Variants in PHAF1 observed in about 807,000 individuals in gnomAD.
PHAF1 encodes the protein phagosome assembly factor 1.
A neutral mutation model predicts 63.1 loss-of-function variants in PHAF1; 23 were observed. That is an observed-to-expected ratio of 0.36 (90% CI 0.26 to 0.52). PHAF1 has a LOEUF of 0.52. Among genes scored for constraint, PHAF1 ranks in the 20% least tolerant of loss-of-function variants. PHAF1 has a pLI of 0.93. For missense variants in PHAF1, 427 were observed against 517.2 expected (o/e 0.83, Z 1.69); for synonymous variants, 167 against 185.0 (o/e 0.90, Z 0.79).
intron 2 of PHAF1, among the ~76,000 whole-genome samples, chr16:67,120,407 T>C (rs540602489): frequency 2.0e-5 from 3 of 152,100 alleles, no homozygotes; most frequent in African/African-American, 4.8e-5. Context: ...GCGGTAGTAA[T>C]TGAACCTTTG....
chr16:67,137,751 C>T (rs1273374630), intron 8 of PHAF1, among the ~76,000 whole-genome samples: 1 of 152,172 alleles, frequency 6.6e-6, no homozygotes, highest in Non-Finnish European at 1.5e-5. Context: ...TCCCAGGAGA[C>T]AGCAGGAGGA....
At position 67,140,101 on chromosome 16, in the gene PHAF1, A is replaced by C; in HGVS notation, c.779A>C (p.Tyr260Ser). Residue 260 changes from tyrosine (Y) to serine (S), a missense_variant, in exon 9 of 16, where the codon TAT (tyrosine) becomes TCT (serine). By Grantham distance (144) the Tyr-to-Ser change is moderately radical. Coordinates refer to ENST00000219139, the MANE Select transcript of PHAF1 (RefSeq NM_025187.5). ...CTTGGCTCTCCACACAAAGTCTTCT[A>C]TAAATCAGAAGACAAGGTAGGGGAA... ...SMLGSPHKVF[Y>S]KSEDKMKIHS... The C allele has an allele frequency of 1.2e-6, 2 of 1,614,186 alleles. No homozygotes were observed. Among genetic ancestry groups the C allele is most frequent in the Non-Finnish European group, 1.7e-6 (2 of 1,180,022 alleles).
At chr16:67,132,759 G>T (rs1348560454) in intron 5 of PHAF1, 58 bp from the exon 6 acceptor site, 10 of 1,462,280 alleles carry the variant, frequency 6.8e-6, no homozygotes, top group Non-Finnish European at 8.6e-6. Flanking sequence ...GCTGGTTTAT[G>T]TTAGCCATTT....
Position 67,137,237 on chromosome 16 carries a change from G to GA in PHAF1, c.662-2745dup, listed in dbSNP as rs1213765329. ...AGACAGTTCACAACCTTCACGTTAC[G>GA]AATTTCTTAAAATGTGATTTTCTAG... On this transcript the variant is annotated intron_variant, in intron 8 of 15. Transcript: ENST00000219139. 2.0e-5 allele frequency among the ~76,000 whole-genome samples: 3 copies of GA among 151,964 alleles called. No homozygotes were observed. The East Asian group carries it at 5.8e-4, about 29-fold the overall frequency.
intron 4 of PHAF1, chr16:67,131,999 A>C (rs1305334353): frequency 6.5e-6 from 1 of 154,542 alleles, no homozygotes; most frequent in East Asian, 1.9e-4. Flanking sequence ...CCTTTCAGTA[A>C]GTCTCCTTAA....
Position 67,145,523 on chromosome 16 carries a change from A to T in PHAF1, c.1051-47A>T, listed in dbSNP as rs539490687. On this transcript the variant is annotated intron_variant, in intron 13 of 15. Transcript: ENST00000219139. ...TCTAGGCCAGCCATTGGTCACAGAC[A>T]TGTTCATGTCCCTACTAACCCCTGC... 3 of 1,613,128 alleles carry T rather than the reference A, an allele frequency of 1.9e-6. No individual in the cohort carries two copies. The Admixed American group carries it at 5.0e-5, about 27-fold the overall frequency.
At chr16:67,145,689 AG>A in intron 14 of PHAF1, 61 bp downstream of exon 14, 1 of 1,550,132 alleles carries the variant, frequency 6.5e-7, no homozygotes, top group Non-Finnish European at 8.7e-7. Context: ...CAGAAAGCCC[AG>A]GGAAGCCTGG....
intron 15 of PHAF1, 99 bp from the exon 16 acceptor site, chr16:67,146,946 A>T: frequency 9.1e-7 from 1 of 1,097,464 alleles, no homozygotes; most frequent in Non-Finnish European, 1.4e-6. Flanking sequence ...CCCAGCCATT[A>T]GGTGCAGGTA....
At chr16:67,143,660 T>C (rs1444006001) in intron 10 of PHAF1, among the ~76,000 whole-genome samples, 1 of 152,164 alleles carries the variant, frequency 6.6e-6, no homozygotes, top group African/African-American at 2.4e-5. Flanking sequence ...GAGTTCGGGA[T>C]ACAGCAGTGA....
intron 1 of PHAF1, among the ~76,000 whole-genome samples, chr16:67,112,399 A>G (rs1433967336): frequency 6.6e-6 from 1 of 151,118 alleles, no homozygotes; most frequent in East Asian, 1.9e-4. Context: ...AAAAAAAAAA[A>G]AAAAGCCAGG....
chr16:67,113,484 C>G (rs563133338), intron 1 of PHAF1, among the ~76,000 whole-genome samples: 21 of 144,386 alleles, frequency 1.5e-4, no homozygotes, highest in African/African-American at 5.1e-4. Context: ...GTGTCTCACT[C>G]TGTTGCCCAG....
chr16:67,118,894 C>T (rs1423337278), intron 1 of PHAF1, among the ~76,000 whole-genome samples: 2 of 150,932 alleles, frequency 1.3e-5, no homozygotes, highest in Non-Finnish European at 2.9e-5. Context: ...CTCACCTTAG[C>T]CACCCCAGGA....
intron 1 of PHAF1, among the ~76,000 whole-genome samples, chr16:67,113,460 T>G (rs1962604794): frequency 6.6e-6 from 1 of 150,690 alleles, no homozygotes; most frequent in Non-Finnish European, 1.5e-5. Context: ...TCTTTTTTTT[T>G]TTTTTTTGAG....
chr16:67,134,287 T>C, intron 7 of PHAF1, 22 bp downstream of exon 7: 1 of 1,608,720 alleles, frequency 6.2e-7, no homozygotes, highest in East Asian at 2.2e-5. Context: ...GAGCATGAGT[T>C]TCTTGCTAAG....
chr16:67,146,350 G>A lies in PHAF1; in HGVS notation c.1182G>A (p.Glu394=). The A allele has an allele frequency of 6.2e-7, 1 of 1,613,718 alleles. No individual in the cohort carries two copies. Among genetic ancestry groups the A allele is most frequent in the Non-Finnish European group, 8.5e-7 (1 of 1,179,602 alleles). Residue 394 remains glutamate (E), a splice_region_variant and synonymous_variant, in exon 15 of 16, where the codon GAG becomes GAA. Coordinates refer to ENST00000219139, the MANE Select transcript of PHAF1 (RefSeq NM_025187.5). ...TTGGTCTTCAGCGAATGATCTTTGA[G>A]GTAAGCTGTGGAAGCCCTAGAAATA... ...FCFGLQRMIF[E]VMQNNHIASV...
chr16:67,110,209 C>G lies in PHAF1; in HGVS notation c.34C>G (p.Leu12Val), dbSNP rs1460433013. Residue 12 changes from leucine to valine, a missense_variant, in exon 1 of 16, where the codon CTG becomes GTG. Leu to Val is a conservative substitution (Grantham distance 32, BLOSUM62 1). Coordinates refer to ENST00000219139, the MANE Select transcript of PHAF1 (RefSeq NM_025187.5). ...LDLEVVPERS[L>V]GNEQWEFTLG... is the part of the protein sequence containing the mutation. ...CCTGGAGGTAGTGCCCGAACGCTCT[C>G]TGGGGAACGAGCAATGGGAATTCAC... 1 of 1,552,814 alleles carries G rather than the reference C, an allele frequency of 6.4e-7. No individual in the cohort carries two copies. The highest frequency in any genetic ancestry group is 2.0e-5 in the Admixed American group (1 of 51,146).
At position 67,148,438 on chromosome 16, in the gene PHAF1, G is replaced by A. The variant is rs1322655422; in HGVS notation, c.*1307G>A. On this transcript the variant is annotated 3_prime_UTR_variant, in exon 16 of 16. Transcript: ENST00000219139. ...AGGACTGTTCCCATCCTCCTGGAAT[G>A]GGGGAACCTTCCTTATCCCCTGCCC... The A allele has an allele frequency of 6.6e-6, 1 of 152,616 alleles. No homozygotes were observed. Among genetic ancestry groups the A allele is most frequent in the African/African-American group, 2.4e-5 (1 of 41,458 alleles). The allele number at this position is 152,616 out of a possible 1,614,324, so 9.5% of individuals were successfully genotyped here.
intron 1 of PHAF1, among the ~76,000 whole-genome samples, chr16:67,113,788 G>T (rs140868667): frequency 6.8e-6 from 1 of 147,726 alleles, no homozygotes; most frequent in Non-Finnish European, 1.5e-5. Context: ...TTACTCTGTC[G>T]CCCAGGCTGG....
chr16:67,144,766 G>A, intron 11 of PHAF1, 68 bp from the exon 12 acceptor site: 1 of 1,524,416 alleles, frequency 6.6e-7, no homozygotes, highest in Non-Finnish European at 9.1e-7. Flanking sequence ...CTGGGGTGTG[G>A]GGTTGGAATA....
Sources: gnomAD v4.1 joint callset for allele counts (sites outside exome capture counted in the v4.1 genomes callset) on GRCh38, gnomAD v4.1.1 for gene constraint, MANE v1.5 for transcripts, NCBI Gene and HGNC (gene_info 2026-07-23, HGNC 2026-07-21) for gene names.